Variants in DCDC2C observed in about 807,000 individuals in gnomAD.
The protein encoded by DCDC2C is doublecortin domain containing 2C.
DCDC2C carries 44 observed loss-of-function variants against 45.0 expected under a neutral mutation model. That is an observed-to-expected ratio of 0.98 (90% CI 0.77 to 1.26). DCDC2C has a LOEUF of 1.26. Among genes scored for constraint, DCDC2C ranks in the 50% most tolerant of loss-of-function variants. DCDC2C has a pLI of 0.00. For missense variants in DCDC2C, 447 were observed against 468.9 expected (o/e 0.95, Z 0.43); for synonymous variants, 187 against 178.8 (o/e 1.05, Z -0.37).
At chr2:3,829,630 A>G (rs889902394) in intron 10 of DCDC2C, among the ~76,000 whole-genome samples, 1 of 152,172 alleles carries the variant, frequency 6.6e-6, no homozygotes, top group Non-Finnish European at 1.5e-5. Flanking sequence ...AAAATTAATC[A>G]CAATGGTTTA....
intron 6 of DCDC2C, among the ~76,000 whole-genome samples, chr2:3,767,353 G>A (rs1178676080): frequency 3.3e-5 from 5 of 152,198 alleles, no homozygotes; most frequent in Non-Finnish European, 5.9e-5. Flanking sequence ...CAGCAGGAAC[G>A]GCTTTGTGAT....
intron 8 of DCDC2C, among the ~76,000 whole-genome samples, chr2:3,777,507 T>G (rs1273723303): frequency 2.0e-5 from 3 of 152,236 alleles, no homozygotes; most frequent in Non-Finnish European, 2.9e-5. Context: ...TGATATCACA[T>G]CGACTATTCT....
chr2:3,808,518 A>T (rs1387993798), intron 10 of DCDC2C, among the ~76,000 whole-genome samples: 1 of 152,048 alleles, frequency 6.6e-6, no homozygotes, highest in African/African-American at 2.4e-5. Context: ...CAGCCTTCTG[A>T]GTAGCTGGGA....
Position 3,742,032 on chromosome 2 carries a change from C to T in DCDC2C, c.529C>T (p.Leu177=). 1 of 1,544,524 alleles carries T rather than the reference C, an allele frequency of 6.5e-7. No homozygotes were observed. Among genetic ancestry groups the T allele is most frequent in the Non-Finnish European group, 8.7e-7 (1 of 1,144,660 alleles). Residue 177 remains leucine, a synonymous_variant, in exon 4 of 11, where the codon CTA becomes TTA. Coordinates refer to ENST00000399143, the MANE Select transcript of DCDC2C (RefSeq NM_001287444.2). ...CACGATCGGAGAAAAAGTCTTCCCTCTAGGAGGCGTTCGGAAGTAAGGAGA... is the reference window on the plus strand; with the variant it reads ...CACGATCGGAGAAAAAGTCTTCCCTTTAGGAGGCGTTCGGAAGTAAGGAGA... ...LATIGEKVFP[L]GGVRKLFTMN...
At chr2:3,776,771 C>T (rs1452772826) in intron 8 of DCDC2C, among the ~76,000 whole-genome samples, 1 of 152,228 alleles carries the variant, frequency 6.6e-6, no homozygotes, top group African/African-American at 2.4e-5. Context: ...TTAACACCTC[C>T]TGTAGATGTC....
chr2:3,833,070 C>G (rs1222025786), intron 10 of DCDC2C, among the ~76,000 whole-genome samples: 1 of 152,202 alleles, frequency 6.6e-6, no homozygotes, highest in Non-Finnish European at 1.5e-5. Context: ...CCATCCACAT[C>G]CTTTGGCTTG....
intron 4 of DCDC2C, 176 bp from the exon 5 acceptor site, chr2:3,752,586 TG>T: frequency 1.3e-6 from 1 of 741,198 alleles, no homozygotes; most frequent in South Asian, 1.5e-5. Context: ...AGTCTAATCC[TG>T]GAAGAGCAGT....
chr2:3,703,633 C>T lies in DCDC2C; in HGVS notation c.-119C>T, dbSNP rs1469011669. The T allele has an allele frequency of 3.5e-5, 35 of 1,013,678 alleles. No individual in the cohort carries two copies. The highest frequency in any genetic ancestry group is 4.3e-5 in the Non-Finnish European group (34 of 797,246). 62.8% of individuals were successfully genotyped at this position (1,013,678 alleles called of 1,614,324 possible). On this transcript the variant is annotated 5_prime_UTR_variant, in exon 1 of 11. Transcript: ENST00000399143. The surrounding 1 kb of genome is among the most constrained non-coding windows in gnomAD (Gnocchi z 4.4). ...GTCCCCGTCCCGTCCCCGTCCTGCG[C>T]CAGCGGCTGGAGCGGACCTCCCGTC... is the stretch of plus-strand genomic sequence containing the variant.
chr2:3,749,495 G>A (rs1669475135), intron 4 of DCDC2C, among the ~76,000 whole-genome samples: 1 of 152,202 alleles, frequency 6.6e-6, no homozygotes, highest in African/African-American at 2.4e-5. Context: ...GTGGATGCAT[G>A]CATCACGTTC....
At chr2:3,828,644 G>A (rs1558245528) in intron 10 of DCDC2C, among the ~76,000 whole-genome samples, 1 of 152,198 alleles carries the variant, frequency 6.6e-6, no homozygotes, top group Non-Finnish European at 1.5e-5. Flanking sequence ...AGGAGGGAAT[G>A]AGCCCATTTC....
At chr2:3,741,695 A>ACCCC (rs1669212785) in intron 3 of DCDC2C, among the ~76,000 whole-genome samples, 170 of 151,310 alleles carry the variant, frequency 1.1e-3, no homozygotes, top group African/African-American at 4.0e-3. Flanking sequence ...AAGCACACAT[A>ACCCC]CACACACACA....
intron 10 of DCDC2C, among the ~76,000 whole-genome samples, chr2:3,832,112 G>A (rs13415322): frequency 0.35 from 52,603 of 151,942 alleles, 9,205 homozygotes; most frequent in South Asian, 0.4. Flanking sequence ...CTTTGACGTT[G>A]GATGGTTACT....
chr2:3,806,787 T>C (rs150379652), intron 10 of DCDC2C, among the ~76,000 whole-genome samples: 35 of 152,196 alleles, frequency 2.3e-4, no homozygotes, highest in Non-Finnish European at 3.2e-4. Flanking sequence ...GACCTTGTGA[T>C]CCGCCCACCT....
chr2:3,784,261 C>T (rs190381418), intron 9 of DCDC2C, among the ~76,000 whole-genome samples: 421 of 152,240 alleles, frequency 2.8e-3, no homozygotes, highest in Admixed American at 4.8e-3. Flanking sequence ...AGCAATACTT[C>T]TTATTAGGGT....
intron 2 of DCDC2C, among the ~76,000 whole-genome samples, chr2:3,718,973 C>A (rs1161562693): frequency 6.6e-6 from 1 of 152,200 alleles, no homozygotes; most frequent in Non-Finnish European, 1.5e-5. Context: ...CATTTTACAA[C>A]CCTCTTGTAA....
chr2:3,811,658 G>T (rs1036704831), intron 10 of DCDC2C, among the ~76,000 whole-genome samples: 1 of 152,088 alleles, frequency 6.6e-6, no homozygotes. Context: ...GGCTTGTACT[G>T]GTTTTCAAAG....
At chr2:3,838,698 C>A (rs908206375) in intron 10 of DCDC2C, among the ~76,000 whole-genome samples, 2 of 152,082 alleles carry the variant, frequency 1.3e-5, no homozygotes, top group African/African-American at 4.8e-5. Flanking sequence ...GTGGTTCAAG[C>A]GTGTGGAAGA....
intron 8 of DCDC2C, among the ~76,000 whole-genome samples, chr2:3,772,137 G>C (rs1670190155): frequency 6.6e-6 from 1 of 152,166 alleles, no homozygotes; most frequent in Non-Finnish European, 1.5e-5. Flanking sequence ...GTATGAATTT[G>C]GAGTCAAGCC....
chr2:3,745,266 A>G (rs1397826914), intron 4 of DCDC2C, among the ~76,000 whole-genome samples: 2 of 152,224 alleles, frequency 1.3e-5, no homozygotes, highest in Non-Finnish European at 2.9e-5. Flanking sequence ...GATTATGGGC[A>G]TGAGCCACTG....
Sources: allele counts gnomAD v4.1 joint callset (sites outside exome capture counted in the v4.1 genomes callset), GRCh38; gene constraint gnomAD v4.1.1; non-coding constraint Gnocchi (gnomAD v3.1); transcripts MANE v1.5; gene names NCBI Gene and HGNC (gene_info 2026-07-23, HGNC 2026-07-21).